Variants in GRIP1 observed in about 807,000 individuals in gnomAD.
GRIP1 encodes glutamate receptor-interacting protein 1.
GRIP1 carries 45 observed loss-of-function variants against 129.9 expected under a neutral mutation model. The observed-to-expected ratio is 0.35, with a 90% confidence interval of 0.27 to 0.44. GRIP1 has a LOEUF of 0.44. GRIP1 is among the 20% of genes least tolerant of loss of function. GRIP1 has a pLI of 1.00. For synonymous variants in GRIP1, 530 were observed against 520.8 expected (o/e 1.02, Z -0.24); for missense variants, 1,196 against 1,396.8 (o/e 0.86, Z 2.29).
At chr12:66,839,268 T>A (rs962467614) in intron 1 of GRIP1, among the ~76,000 whole-genome samples, 1 of 152,072 alleles carries the variant, frequency 6.6e-6, no homozygotes, top group Non-Finnish European at 1.5e-5. Flanking sequence ...AATTGCCCAA[T>A]CAGTGATTCT....
At chr12:66,901,682 C>T (rs1442695163) in intron 1 of GRIP1, among the ~76,000 whole-genome samples, 1 of 152,194 alleles carries the variant, frequency 6.6e-6, no homozygotes, top group Non-Finnish European at 1.5e-5. Flanking sequence ...CTATAAGACT[C>T]TACCTGAGAC....
intron 1 of GRIP1, among the ~76,000 whole-genome samples, chr12:67,045,885 A>G (rs2043246129): frequency 6.6e-6 from 1 of 152,158 alleles, no homozygotes; most frequent in Admixed American, 6.5e-5. Flanking sequence ...CAGACCCGCA[A>G]CAGTTAAAGA....
chr12:66,580,447 A>G (rs1178252927), intron 2 of GRIP1, among the ~76,000 whole-genome samples: 4 of 152,184 alleles, frequency 2.6e-5, no homozygotes, highest in Non-Finnish European at 5.9e-5. Flanking sequence ...GCTCCAATTA[A>G]AAGACACAGA....
At chr12:66,914,554 C>T (rs997509930) in intron 1 of GRIP1, among the ~76,000 whole-genome samples, 1 of 152,142 alleles carries the variant, frequency 6.6e-6, no homozygotes, top group African/African-American at 2.4e-5. Flanking sequence ...TTCAATTCTA[C>T]CTCATTCTCT....
At chr12:66,419,049 C>T (rs185109348) in intron 15 of GRIP1, among the ~76,000 whole-genome samples, 2 of 152,162 alleles carry the variant, frequency 1.3e-5, no homozygotes, top group African/African-American at 4.8e-5. Flanking sequence ...ACATAAGTGT[C>T]CACTGAGAGA....
At chr12:66,969,744 C>T (rs1247657149) in intron 1 of GRIP1, among the ~76,000 whole-genome samples, 9 of 151,838 alleles carry the variant, frequency 5.9e-5, no homozygotes, top group African/African-American at 9.7e-5. Context: ...TTTATTTTTG[C>T]ATTTCAGTTT....
chr12:66,498,821 C>A (rs998243112), intron 7 of GRIP1, among the ~76,000 whole-genome samples: 2 of 151,988 alleles, frequency 1.3e-5, no homozygotes, highest in Admixed American at 6.6e-5. Flanking sequence ...TAGTCTTGAA[C>A]CTATACCATT....
intron 1 of GRIP1, among the ~76,000 whole-genome samples, chr12:66,702,240 A>G (rs769384119): frequency 6.6e-6 from 1 of 152,162 alleles, no homozygotes; most frequent in Non-Finnish European, 1.5e-5. Flanking sequence ...GATGCATTTA[A>G]TTTACTCTTC....
At chr12:66,882,417 T>C (rs1369327439) in intron 1 of GRIP1, among the ~76,000 whole-genome samples, 1 of 152,032 alleles carries the variant, frequency 6.6e-6, no homozygotes, top group East Asian at 1.9e-4. Context: ...CTGACAAGTG[T>C]GGAACAGGAG....
chr12:66,421,847 A>G (rs2057813113), intron 14 of GRIP1, among the ~76,000 whole-genome samples: 1 of 152,128 alleles, frequency 6.6e-6, no homozygotes, highest in Non-Finnish European at 1.5e-5. Flanking sequence ...GTAAAAAACA[A>G]TTATAAATGA....
At chr12:66,525,065 G>T (rs913709266) in intron 5 of GRIP1, among the ~76,000 whole-genome samples, 1 of 152,096 alleles carries the variant, frequency 6.6e-6, no homozygotes, top group African/African-American at 2.4e-5. Flanking sequence ...AAAAGTCCAG[G>T]AACAGATGAA....
intron 1 of GRIP1, among the ~76,000 whole-genome samples, chr12:66,952,674 A>G (rs547077133): frequency 1.3e-5 from 2 of 152,342 alleles, no homozygotes; most frequent in East Asian, 3.9e-4. Flanking sequence ...AACACAAAAC[A>G]TGATATTTCA....
At chr12:66,379,202 G>T in intron 20 of GRIP1, 78 bp downstream of exon 20, 1 of 1,352,246 alleles carries the variant, frequency 7.4e-7, no homozygotes, top group Non-Finnish European at 1.1e-6. Context: ...ATGTGCTACT[G>T]GAAGTACAGA....
chr12:66,835,474 G>T (rs2039596767), intron 1 of GRIP1, among the ~76,000 whole-genome samples: 1 of 152,056 alleles, frequency 6.6e-6, no homozygotes, highest in African/African-American at 2.4e-5. Flanking sequence ...TTATATCATT[G>T]CCAATTGCCA....
At chr12:66,927,345 C>G (rs935091345) in intron 1 of GRIP1, among the ~76,000 whole-genome samples, 1 of 152,156 alleles carries the variant, frequency 6.6e-6, no homozygotes, top group Non-Finnish European at 1.5e-5. Context: ...TAGAGATACA[C>G]AGCCAACAAA....
At chr12:66,528,134 G>GTTTTTTT (rs59443918) in intron 5 of GRIP1, among the ~76,000 whole-genome samples, 5 of 99,244 alleles carry the variant, frequency 5.0e-5, no homozygotes, top group African/African-American at 1.4e-4. Flanking sequence ...GAATTAGTAG[G>GTTTTTTT]TTTTTTTTTT....
intron 13 of GRIP1, among the ~76,000 whole-genome samples, chr12:66,434,016 A>G (rs758553629): frequency 6.6e-6 from 1 of 151,436 alleles, no homozygotes; most frequent in East Asian, 1.9e-4. Context: ...GAGAGAGAGG[A>G]CTCCCTTCTT....
intron 1 of GRIP1, among the ~76,000 whole-genome samples, chr12:66,706,282 C>G (rs1171611979): frequency 6.6e-6 from 1 of 152,042 alleles, no homozygotes; most frequent in Non-Finnish European, 1.5e-5. Flanking sequence ...ATTTACATGG[C>G]CAAGAAACAT....
intron 1 of GRIP1, among the ~76,000 whole-genome samples, chr12:66,950,740 T>C (rs2041744003): frequency 6.6e-6 from 1 of 152,140 alleles, no homozygotes; most frequent in Non-Finnish European, 1.5e-5. Context: ...AGCCAAAAAT[T>C]TGACACATTA....
Sources: gnomAD v4.1 joint callset for allele counts (sites outside exome capture counted in the v4.1 genomes callset) on GRCh38, gnomAD v4.1.1 for gene constraint, MANE v1.5 for transcripts, NCBI Gene and HGNC (gene_info 2026-07-23, HGNC 2026-07-21) for gene names.